Variants in USP7 observed in about 807,000 individuals in gnomAD.
The protein encoded by USP7 is ubiquitin C-terminal hydrolase 7.
A neutral mutation model predicts 162.9 loss-of-function variants in USP7; 9 were observed. The ratio of observed to expected loss-of-function variants is 0.06; its 90% CI spans 0.03 to 0.10. The LOEUF is 0.10. Among genes scored for constraint, USP7 ranks in the 10% least tolerant of loss-of-function variants. The probability of loss-of-function intolerance (pLI) is 1.00; values close to 1 mark genes in which losing one functional copy is unlikely to be tolerated. For synonymous variants in USP7, 562 were observed against 475.9 expected, an observed-to-expected ratio of 1.18 and a Z score of -2.35; for missense variants, 715 against 1,373.7, an observed-to-expected ratio of 0.52 and a Z score of 7.58.
At chr16:8,927,514 T>A (rs1472978908) in intron 2 of USP7, among the ~76,000 whole-genome samples, 2 of 152,096 alleles carry the variant, frequency 1.3e-5, no homozygotes, top group Non-Finnish European at 2.9e-5. Context: ...ACATTCTAAA[T>A]CTAGATCCAT....
chr16:8,925,693 G>A (rs1019653651), intron 2 of USP7, among the ~76,000 whole-genome samples: 4 of 152,132 alleles, frequency 2.6e-5, no homozygotes, highest in Admixed American at 2.0e-4. Flanking sequence ...ACACACAGTG[G>A]TTAGTTCACA....
At chr16:8,922,577 G>A (rs191548041) in intron 3 of USP7, among the ~76,000 whole-genome samples, 37 of 152,222 alleles carry the variant, frequency 2.4e-4, no homozygotes, top group Non-Finnish European at 5.1e-4. Flanking sequence ...ACTCTGTGGC[G>A]TGGCAGGGAG....
intron 10 of USP7, among the ~76,000 whole-genome samples, chr16:8,911,987 T>TC (rs1387318236): frequency 6.6e-6 from 1 of 152,172 alleles, no homozygotes; most frequent in Non-Finnish European, 1.5e-5. Flanking sequence ...GGACAGGTTA[T>TC]CCCTCAAGTA....
intron 4 of USP7, 56 bp downstream of exon 4, chr16:8,921,101 A>C (rs575734968): frequency 6.5e-7 from 1 of 1,547,292 alleles, no homozygotes; most frequent in East Asian, 2.3e-5. Context: ...CAAAAAGTTA[A>C]GGGAACAACA....
At chr16:8,936,673 CAG>C (rs1462392670) in intron 1 of USP7, 1 of 1,535,162 alleles carries the variant, frequency 6.5e-7, no homozygotes, top group East Asian at 2.4e-5. Flanking sequence ...TCACCCACAT[CAG>C]AGTGACTGCA....
At position 8,930,336 on chromosome 16, in the gene USP7, G is replaced by A; in HGVS notation, c.141C>T (p.Ala47=). Reference sequence around the variant, plus strand: ...CCGCGGTGTTGTGTCCATCACTCAGGGCCACATTCCCATTGATCACAGGGT... The same window carrying A: ...CCGCGGTGTTGTGTCCATCACTCAGAGCCACATTCCCATTGATCACAGGGT... ...TQNPVINGNV[A]LSDGHNTAEE... is the part of the protein sequence containing the mutation. Residue 47 remains alanine (A), a synonymous_variant, in exon 2 of 31, where the codon GCC becomes GCT. Transcript: ENST00000344836. 3.1e-6 allele frequency: 5 copies of A among 1,613,354 alleles called. No homozygotes were observed. The highest frequency in any genetic ancestry group is 4.2e-6 in the Non-Finnish European group (5 of 1,179,704).
chr16:8,901,799 TG>T (rs2061779058), intron 18 of USP7: 2 of 417,368 alleles, frequency 4.8e-6, no homozygotes, highest in Non-Finnish European at 8.6e-6. Flanking sequence ...TTTGCAACCC[TG>T]CTCTTTAGGA....
At chr16:8,918,740 C>A (rs56828436) in intron 6 of USP7, among the ~76,000 whole-genome samples, 3,721 of 152,304 alleles carry the variant, frequency 0.024, 134 homozygotes, top group African/African-American at 0.085. Context: ...ACCCAGGAGA[C>A]AGAGGCTGCA....
In USP7 at chr16:8,892,607, A is replaced by T. The variant is rs368811127; in HGVS notation, c.*1391T>A. On this transcript the variant is annotated 3_prime_UTR_variant, in exon 31 of 31. Transcript: ENST00000344836. ...GAGTAAATGTGACTAGTTAGAGGCT[A>T]AAAAAAAAAAAAAAAAAAAAAAGAA... 2 of 3,140 alleles carry T rather than the reference A, an allele frequency of 6.4e-4. No individual in the cohort carries two copies. The highest frequency in any genetic ancestry group is 9.5e-4 in the African/African-American group (1 of 1,048). 0.2% of individuals were successfully genotyped at this position (3,140 alleles called of 1,614,324 possible).
intron 21 of USP7, 107 bp downstream of exon 21, chr16:8,900,423 A>T: frequency 2.5e-6 from 2 of 789,138 alleles, no homozygotes; most frequent in Non-Finnish European, 3.8e-6. Context: ...AAAAAAACAA[A>T]AACAAAAACG....
chr16:8,892,523 A>G lies in USP7; in HGVS notation c.*1475T>C, dbSNP rs943005554. 1 of 151,700 alleles carries G rather than the reference A, an allele frequency of 6.6e-6. No individual in the cohort carries two copies. Among genetic ancestry groups the G allele is most frequent in the African/African-American group, 2.4e-5 (1 of 41,262 alleles). 9.4% of individuals were successfully genotyped at this position (151,700 alleles called of 1,614,324 possible). A position where few individuals can be genotyped will look rare whatever the true frequency, so the allele number is the denominator to read the frequency against. On this transcript the variant is annotated 3_prime_UTR_variant, in exon 31 of 31. Coordinates refer to ENST00000344836, the MANE Select transcript of USP7 (RefSeq NM_003470.3). ...GAAGGGCCTCGTGACACATCAGGTC[A>G]CATCTCCAGTCACCTTATTTGTACA... is the stretch of plus-strand genomic sequence containing the variant.
intron 1 of USP7, among the ~76,000 whole-genome samples, chr16:8,933,472 T>C (rs140318472): frequency 2.0e-5 from 3 of 152,320 alleles, no homozygotes; most frequent in African/African-American, 7.2e-5. Flanking sequence ...AATAGAAATA[T>C]ATAATTTCAT....
rs77797543 is a variant in USP7 at position 8,914,350 on chromosome 16, T to C, written c.1078+904A>G. ...TGACTGTGCAATTGATAAACCACTT[T>C]GGGAATCTCGCTAACTTGATCCATC... On this transcript the variant is annotated intron_variant, in intron 10 of 30. Coordinates refer to ENST00000344836, the MANE Select transcript of USP7 (RefSeq NM_003470.3). 8.4e-3 allele frequency among the ~76,000 whole-genome samples: 1,269 copies of C among 151,962 alleles called. 29 individuals are homozygous for C. Among genetic ancestry groups the C allele is most frequent in the African/African-American group, 0.029 (1,211 of 41,288 alleles).
chr16:8,963,674 G>A lies in USP7; in HGVS notation c.-389C>T, dbSNP rs1900114499. ...CGGAGGGCGGCCGGTCGGGGGCCGC[G>A]GAGTCAGCCCCGCCTCGGGCCGGGC... is the stretch of plus-strand genomic sequence containing the variant. On this transcript the variant is annotated 5_prime_UTR_variant, in exon 1 of 31. Coordinates refer to ENST00000344836, the MANE Select transcript of USP7 (RefSeq NM_003470.3). Among the ~76,000 whole-genome samples, 2 of 142,892 alleles carry A rather than the reference G, an allele frequency of 1.4e-5. No homozygotes were observed. Among genetic ancestry groups the A allele is most frequent in the South Asian group, 4.3e-4 (2 of 4,644 alleles). The allele number at this position is 142,892 out of a possible 152,430, so 93.7% of individuals were successfully genotyped here. A position where few individuals can be genotyped will look rare whatever the true frequency, so the allele number is the denominator to read the frequency against.
chr16:8,930,178 ACTAG>A, intron 2 of USP7, 111 bp downstream of exon 2: 1 of 721,244 alleles, frequency 1.4e-6, no homozygotes, highest in Non-Finnish European at 2.2e-6. Flanking sequence ...CCTCCTGAAA[ACTAG>A]CTACGCTCAG....
chr16:8,938,120 A>C (rs1472639879), intron 1 of USP7, among the ~76,000 whole-genome samples: 1 of 152,176 alleles, frequency 6.6e-6, no homozygotes, highest in Non-Finnish European at 1.5e-5. Context: ...AAGAGGCCCT[A>C]GGCAGGAAGA....
intron 1 of USP7, among the ~76,000 whole-genome samples, chr16:8,943,115 A>T (rs1899123552): frequency 6.6e-6 from 1 of 152,166 alleles, no homozygotes. Flanking sequence ...ACCAAGCCCC[A>T]AAGAAGGCCA....
At chr16:8,900,063 T>G in intron 21 of USP7, 1 of 452,126 alleles carries the variant, frequency 2.2e-6, no homozygotes, top group Admixed American at 4.1e-5. Flanking sequence ...CGCAGTGTCT[T>G]GCCCACAGAC....
In USP7 at chr16:8,915,255, A is replaced by G. The variant is rs771447115; in HGVS notation, c.1077T>C (p.Asn359=). 15 of 1,600,696 alleles carry G rather than the reference A, an allele frequency of 9.4e-6. No homozygotes were observed. In the African/African-American group the frequency reaches 1.6e-4, roughly 17 times the overall value. ...DIQLSIKGKK[N]IFESFVDYVA... ...CCATTAGATACACACAACACTTACT[A>G]TTTTTCTTTCCTTTGATACTTAGCT... The change falls in exon 10 of 31, where the codon AAT becomes AAC. Residue 359 remains asparagine (N), a splice_region_variant and synonymous_variant. Transcript: ENST00000344836.
Sources: allele counts gnomAD v4.1 joint callset (sites outside exome capture counted in the v4.1 genomes callset), GRCh38; gene constraint gnomAD v4.1.1; transcripts MANE v1.5; gene names NCBI Gene and HGNC (gene_info 2026-07-23, HGNC 2026-07-21).